Variants in EIPR1 observed in about 807,000 individuals in gnomAD.
EIPR1 encodes the protein EARP complex and GARP complex interacting protein 1, also known as EARP and GARP complex-interacting protein 1.
EIPR1 carries 25 observed loss-of-function variants against 48.1 expected under a neutral mutation model. The observed-to-expected ratio is 0.52, with a 90% CI of 0.38 to 0.73. The LOEUF (loss-of-function observed/expected upper bound fraction) is 0.73, where lower values mean the gene tolerates loss of function less well. Ranked by LOEUF, EIPR1 falls within the 30% of genes least tolerant of loss-of-function variation. EIPR1 has a pLI of 0.00. For synonymous variants in EIPR1, 204 were observed against 201.9 expected, an observed-to-expected ratio of 1.01 and a Z score of -0.09; for missense variants, 415 against 506.2, an observed-to-expected ratio of 0.82 and a Z score of 1.73.
intron 4 of EIPR1, among the ~76,000 whole-genome samples, chr2:3,220,051 G>A (rs928520489): frequency 6.6e-6 from 1 of 152,206 alleles, no homozygotes; most frequent in Non-Finnish European, 1.5e-5. Flanking sequence ...GCATGAGAGG[G>A]ATCTAGGCTG....
In EIPR1 at chr2:3,367,598, G is replaced by A. The variant is rs569377732; in HGVS notation, c.42+10050C>T. On this transcript the variant is annotated intron_variant, in intron 1 of 8. Coordinates refer to ENST00000382125, the MANE Select transcript of EIPR1 (RefSeq NM_003310.5). ...GTAAATGACTCGTAAACCGAATCCA[G>A]CAGAGGACTATTCCACAATCAAGTG... is the stretch of plus-strand genomic sequence containing the variant. Among the ~76,000 whole-genome samples, 135 of 152,320 alleles carry A rather than the reference G, an allele frequency of 8.9e-4. 1 individual carries two copies. Among genetic ancestry groups the A allele is most frequent in the African/African-American group, 2.8e-3 (118 of 41,568 alleles).
chr2:3,350,927 TTGAA>T (rs1001191287), intron 2 of EIPR1, among the ~76,000 whole-genome samples: 1 of 141,354 alleles, frequency 7.1e-6, no homozygotes, highest in Non-Finnish European at 1.5e-5. Flanking sequence ...AAATAATTAA[TTGAA>T]TGTTACTTCG....
intron 5 of EIPR1, among the ~76,000 whole-genome samples, chr2:3,198,725 T>G (rs1176183569): frequency 3.9e-5 from 6 of 152,024 alleles, no homozygotes; most frequent in Non-Finnish European, 5.9e-5. Context: ...TATTAGCAAT[T>G]TTCAAAGGGG....
intron 4 of EIPR1, among the ~76,000 whole-genome samples, chr2:3,245,110 T>C (rs903818514): frequency 3.9e-5 from 6 of 152,194 alleles, no homozygotes; most frequent in African/African-American, 1.4e-4. Flanking sequence ...TTTAATAACA[T>C]TTATATGGGG....
At chr2:3,376,616 G>C (rs959300830) in intron 1 of EIPR1, among the ~76,000 whole-genome samples, 1 of 151,498 alleles carries the variant, frequency 6.6e-6, no homozygotes, top group Non-Finnish European at 1.5e-5. Context: ...ACTTAAACCC[G>C]GGAGGCGGAG....
chr2:3,342,053 TTA>T (rs1301918128), intron 2 of EIPR1, among the ~76,000 whole-genome samples: 3 of 152,318 alleles, frequency 2.0e-5, no homozygotes, highest in East Asian at 3.9e-4. Context: ...TCCAATTCTT[TTA>T]TGTTTGTTAT....
chr2:3,195,465 A>G lies in EIPR1; in HGVS notation c.654-1299T>C, dbSNP rs141887801. Reference sequence around the variant, plus strand: ...AATTCCTTTCATCTTTTTCTCTCACATTAGAACTCCCGGCCCTAAACCACT... The same window carrying G: ...AATTCCTTTCATCTTTTTCTCTCACGTTAGAACTCCCGGCCCTAAACCACT... On this transcript the variant is annotated intron_variant, in intron 6 of 8. Coordinates refer to ENST00000382125, the MANE Select transcript of EIPR1 (RefSeq NM_003310.5). Among the ~76,000 whole-genome samples the G allele has an allele frequency of 5.9e-3, 904 of 152,276 alleles. 9 individuals carry two copies. Among genetic ancestry groups the G allele is most frequent in the African/African-American group, 0.02 (850 of 41,546 alleles).
intron 4 of EIPR1, among the ~76,000 whole-genome samples, chr2:3,222,902 T>C (rs560202774): frequency 1.7e-3 from 253 of 152,350 alleles, no homozygotes; most frequent in Non-Finnish European, 3.1e-3. Context: ...GGCTACATGT[T>C]TGCAGAGTAG....
At chr2:3,372,990 T>C (rs2103395218) in intron 1 of EIPR1, among the ~76,000 whole-genome samples, 1 of 152,226 alleles carries the variant, frequency 6.6e-6, no homozygotes, top group Non-Finnish European at 1.5e-5. Context: ...AATAAAATAC[T>C]GGCAAACTGA....
chr2:3,323,268 T>G (rs1005020450), intron 3 of EIPR1, among the ~76,000 whole-genome samples: 2 of 152,140 alleles, frequency 1.3e-5, no homozygotes, highest in African/African-American at 2.4e-5. Flanking sequence ...GTTAAACCAG[T>G]GGTCCCCCCA....
At chr2:3,269,439 TCAC>T (rs1487824501) in intron 3 of EIPR1, among the ~76,000 whole-genome samples, 15 of 105,108 alleles carry the variant, frequency 1.4e-4, no homozygotes, top group African/African-American at 2.3e-4. Context: ...CACTCAATCA[TCAC>T]CACACTCAAT....
chr2:3,293,641 C>G (rs1668438675), intron 3 of EIPR1, among the ~76,000 whole-genome samples: 1 of 152,368 alleles, frequency 6.6e-6, no homozygotes, highest in African/African-American at 2.4e-5. Flanking sequence ...CATGTGGTGA[C>G]AGTCCTCCCG....
chr2:3,313,989 G>A lies in EIPR1; in HGVS notation c.259+24028C>T, dbSNP rs975417215. On this transcript the variant is annotated intron_variant, in intron 3 of 8. Coordinates refer to ENST00000382125, the MANE Select transcript of EIPR1 (RefSeq NM_003310.5). ...TGGGTCAATGGCCCTGAGCCGCTGG[G>A]ACCCGGGGAGGGTGGCACTAGCTGA... Among the ~76,000 whole-genome samples, 9 of 152,168 alleles carry A rather than the reference G, an allele frequency of 5.9e-5. No individual in the cohort carries two copies. In the East Asian group the frequency reaches 1.7e-3, roughly 29 times the overall value.
At chr2:3,220,660 T>A (rs1003774238) in intron 4 of EIPR1, among the ~76,000 whole-genome samples, 1 of 150,048 alleles carries the variant, frequency 6.7e-6, no homozygotes. Context: ...CATGGTACAC[T>A]CTAGAGCATT....
intron 1 of EIPR1, among the ~76,000 whole-genome samples, chr2:3,364,357 C>G (rs1020901490): frequency 1.3e-5 from 2 of 152,132 alleles, no homozygotes; most frequent in African/African-American, 4.8e-5. Context: ...TTGCCATGGA[C>G]AGTGGCTCAT....
At chr2:3,264,391 G>C (rs900729677) in intron 3 of EIPR1, among the ~76,000 whole-genome samples, 1 of 151,942 alleles carries the variant, frequency 6.6e-6, no homozygotes, top group Admixed American at 6.5e-5. Context: ...AGCACTGATG[G>C]ATAGGCAGGC....
At chr2:3,346,634 C>T (rs936533513) in intron 2 of EIPR1, among the ~76,000 whole-genome samples, 16 of 152,250 alleles carry the variant, frequency 1.1e-4, no homozygotes, top group Middle Eastern at 6.8e-3. Context: ...AATCCTATAA[C>T]ATGAAGACTT....
intron 3 of EIPR1, among the ~76,000 whole-genome samples, chr2:3,287,630 C>T (rs1458370714): frequency 1.4e-5 from 2 of 144,276 alleles, no homozygotes; most frequent in South Asian, 4.5e-4. Flanking sequence ...CCAGAAAGTT[C>T]GTTCACCACG....
At chr2:3,259,020 T>C (rs1667247511) in intron 3 of EIPR1, among the ~76,000 whole-genome samples, 1 of 151,818 alleles carries the variant, frequency 6.6e-6, no homozygotes, top group South Asian at 2.1e-4. Context: ...AACACAAAAA[T>C]AACCAAAGGG....
Sources: gnomAD v4.1 joint callset for allele counts (sites outside exome capture counted in the v4.1 genomes callset) on GRCh38, gnomAD v4.1.1 for gene constraint, MANE v1.5 for transcripts, NCBI Gene and HGNC (gene_info 2026-07-23, HGNC 2026-07-21) for gene names.